Variants in BMPR1A observed in about 807,000 individuals in gnomAD.
BMPR1A encodes the protein bone morphogenetic protein receptor type 1A, also known as bone morphogenetic protein receptor type-1A.
A neutral mutation model predicts 66.0 loss-of-function variants in BMPR1A; 7 were observed. The observed-to-expected ratio is 0.11, with a 90% CI of 0.06 to 0.20. The LOEUF is 0.20. BMPR1A is among the 10% of genes least tolerant of loss of function. The pLI, the probability that BMPR1A is intolerant of heterozygous loss-of-function variation, is 1.00. For synonymous variants in BMPR1A, 200 were observed against 229.7 expected (o/e 0.87, Z 1.17); for missense variants, 408 against 669.1 (o/e 0.61, Z 4.31).
chr10:86,862,342 G>T lies in BMPR1A; in HGVS notation c.-152-13525G>T, dbSNP rs72841899. Among the ~76,000 whole-genome samples the T allele has an allele frequency of 7.7e-3, 1,172 of 152,262 alleles. 5 individuals are homozygous for T. Among genetic ancestry groups the T allele is most frequent in the Non-Finnish European group, 0.013 (918 of 68,000 alleles). ...CCATTACAGGCATAGGGATCTGCAC[G>T]TGCCAGGGTCCTGCAGCAGGACTGT... On this transcript the variant is annotated intron_variant, in intron 2 of 12. Transcript: ENST00000372037.
intron 1 of BMPR1A, among the ~76,000 whole-genome samples, chr10:86,828,966 ATAGAGC>A (rs1782714741): frequency 2.0e-5 from 3 of 152,178 alleles, no homozygotes; most frequent in Admixed American, 2.0e-4. Flanking sequence ...GCAAAAGAAC[ATAGAGC>A]TGGGTGATTT....
intron 5 of BMPR1A, among the ~76,000 whole-genome samples, chr10:86,897,548 T>A (rs1224114268): frequency 6.6e-6 from 1 of 152,202 alleles, no homozygotes; most frequent in African/African-American, 2.4e-5. Flanking sequence ...ATATTTGTTA[T>A]ATGTGTATAG....
intron 1 of BMPR1A, among the ~76,000 whole-genome samples, chr10:86,836,092 A>G (rs535349118): frequency 3.9e-5 from 6 of 152,210 alleles, no homozygotes; most frequent in Non-Finnish European, 7.4e-5. Flanking sequence ...TGAAAAAATG[A>G]CTTGTACTTA....
intron 4 of BMPR1A, 31 bp from the exon 5 acceptor site, chr10:86,892,096 T>G: frequency 1.3e-6 from 2 of 1,544,256 alleles, no homozygotes; most frequent in Non-Finnish European, 1.8e-6. Flanking sequence ...TGAATTTATG[T>G]TTTGTTTTGT....
At chr10:86,827,515 C>T (rs76818988) in intron 1 of BMPR1A, among the ~76,000 whole-genome samples, 4,161 of 152,210 alleles carry the variant, frequency 0.027, 193 homozygotes, top group African/African-American at 0.096. Flanking sequence ...TTGCGTGGCT[C>T]ATGGTAGCTA....
chr10:86,825,733 A>G (rs1360201891), intron 1 of BMPR1A, among the ~76,000 whole-genome samples: 1 of 152,108 alleles, frequency 6.6e-6, no homozygotes, highest in Non-Finnish European at 1.5e-5. Context: ...TGCTTCAGTC[A>G]CCCAAAGTAC....
intron 2 of BMPR1A, among the ~76,000 whole-genome samples, chr10:86,846,746 G>T (rs771029531): frequency 6.6e-6 from 1 of 152,144 alleles, no homozygotes; most frequent in Non-Finnish European, 1.5e-5. Flanking sequence ...ACACCCACTT[G>T]CTTCTGTAGA....
intron 1 of BMPR1A, among the ~76,000 whole-genome samples, chr10:86,802,167 G>A (rs778858956): frequency 3.3e-5 from 5 of 152,078 alleles, no homozygotes; most frequent in South Asian, 2.1e-4. Context: ...ACTCTTAGCC[G>A]CTGTGACACA....
chr10:86,875,182 G>A (rs1052530023), intron 2 of BMPR1A, among the ~76,000 whole-genome samples: 3 of 151,306 alleles, frequency 2.0e-5, no homozygotes, highest in Non-Finnish European at 2.9e-5. Flanking sequence ...AGACTAGCCC[G>A]GCCAAGATGG....
intron 4 of BMPR1A, among the ~76,000 whole-genome samples, chr10:86,890,603 T>A (rs12259628): frequency 0.042 from 5,968 of 141,514 alleles, 394 homozygotes; most frequent in African/African-American, 0.16. Flanking sequence ...TAAAAAAAAA[T>A]TTTTTTTTTA....
chr10:86,930,890 G>C (rs993612245), downstream of BMPR1A: 29 of 152,092 alleles, frequency 1.9e-4, no homozygotes, highest in African/African-American at 5.1e-4. Context: ...ATGCCACCAT[G>C]CCTGGCTCAC....
At chr10:86,802,646 A>G (rs1289992623) in intron 1 of BMPR1A, among the ~76,000 whole-genome samples, 1 of 151,964 alleles carries the variant, frequency 6.6e-6, no homozygotes, top group East Asian at 1.9e-4. Flanking sequence ...AAAAAAAACC[A>G]TCCTTACAGA....
At chr10:86,923,331 G>A in intron 11 of BMPR1A, 45 bp from the exon 12 acceptor site, 1 of 1,612,526 alleles carries the variant, frequency 6.2e-7, no homozygotes, top group Non-Finnish European at 8.5e-7. Context: ...GGTATATCTT[G>A]TCCAGCAACC....
chr10:86,874,640 C>T (rs2133311761), intron 2 of BMPR1A, among the ~76,000 whole-genome samples: 1 of 151,400 alleles, frequency 6.6e-6, no homozygotes, highest in South Asian at 2.1e-4. Flanking sequence ...ATCTCCTGAC[C>T]TCATGATCTG....
At chr10:86,803,717 TG>T (rs1340570128) in intron 1 of BMPR1A, among the ~76,000 whole-genome samples, 3 of 152,172 alleles carry the variant, frequency 2.0e-5, no homozygotes, top group African/African-American at 7.2e-5. Flanking sequence ...AGTATAGCTT[TG>T]GGTACATTTT....
intron 2 of BMPR1A, among the ~76,000 whole-genome samples, chr10:86,873,248 C>T (rs1414629434): frequency 6.6e-6 from 1 of 152,076 alleles, no homozygotes; most frequent in South Asian, 2.1e-4. Flanking sequence ...CAACCATACT[C>T]ATATTTGTAT....
chr10:86,795,670 A>G (rs1288937423), intron 1 of BMPR1A, among the ~76,000 whole-genome samples: 1 of 152,176 alleles, frequency 6.6e-6, no homozygotes, highest in Non-Finnish European at 1.5e-5. Context: ...GGAATTAGGC[A>G]GTTTTCCTAA....
At position 86,895,537 on chromosome 10, in the gene BMPR1A, C is replaced by CA. The variant is rs1246016427; in HGVS notation, c.333+3321dup. 7.9e-3 allele frequency among the ~76,000 whole-genome samples: 1,087 copies of CA among 138,200 alleles called. 5 individuals are homozygous for CA. The highest frequency in any genetic ancestry group is 8.9e-3 in the Non-Finnish European group (562 of 63,286). The allele number at this position is 138,200 out of a possible 152,430, so 90.7% of individuals were successfully genotyped here. On this transcript the variant is annotated intron_variant, in intron 5 of 12. Transcript: ENST00000372037. ...TAGGCAGCAAGAGTGAAACTCCATC[C>CA]AAAAAAAAAAAAATTATGGGACAAT...
At chr10:86,864,143 C>T (rs138959474) in intron 2 of BMPR1A, among the ~76,000 whole-genome samples, 1,586 of 152,256 alleles carry the variant, frequency 0.01, 25 homozygotes, top group African/African-American at 0.036. Flanking sequence ...AGTTTTGCCT[C>T]GCACAAGGTC....
Sources: allele counts gnomAD v4.1 joint callset (sites outside exome capture counted in the v4.1 genomes callset), GRCh38; gene constraint gnomAD v4.1.1; transcripts MANE v1.5; gene names NCBI Gene and HGNC (gene_info 2026-07-23, HGNC 2026-07-21).